RARB: variants seen among roughly 807,000 people sequenced by gnomAD.
RARB encodes retinoic acid receptor beta.
In RARB, 17 loss-of-function variants were observed where a neutral mutation model predicts 51.9. That is an observed-to-expected ratio of 0.33 (90% confidence interval 0.22 to 0.49). RARB has a LOEUF of 0.49. Among genes scored for constraint, RARB ranks in the 20% least tolerant of loss-of-function variants. RARB has a pLI of 0.99. For synonymous variants in RARB, 215 were observed against 195.4 expected, an observed-to-expected ratio of 1.10 and a Z score of -0.84; for missense variants, 369 against 550.8, an observed-to-expected ratio of 0.67 and a Z score of 3.30.
chr3:24,927,858 G>A (rs1695354158), intron 2 of RARB, among the ~76,000 whole-genome samples: 2 of 152,080 alleles, frequency 1.3e-5, no homozygotes, highest in African/African-American at 2.4e-5. Context: ...ACTAATGCCA[G>A]CTTGGCAGAG....
intron 2 of RARB, among the ~76,000 whole-genome samples, chr3:24,917,774 C>T (rs1297424705): frequency 6.6e-6 from 1 of 152,182 alleles, no homozygotes; most frequent in Non-Finnish European, 1.5e-5. Context: ...TGATCTGCCT[C>T]CTTCGGCGTC....
In RARB at chr3:25,561,250, A is replaced by T. The variant is rs544322500; in HGVS notation, c.449-8508A>T. The stretch of plus-strand genomic sequence containing the variant: ...TGGGTGGGATCTTTGAGTGGTAGGA[A>T]TGACCAATTGTTTTCTTTCTTGCCT... On this transcript the variant is annotated intron_variant, in intron 3 of 7. Transcript: ENST00000330688. Among the ~76,000 whole-genome samples, 583 of 152,290 alleles carry T rather than the reference A, an allele frequency of 3.8e-3. 1 individual carries two copies. The highest frequency in any genetic ancestry group is 0.013 in the African/African-American group (550 of 41,564).
chr3:25,018,485 G>A (rs1445621344), intron 2 of RARB, among the ~76,000 whole-genome samples: 1 of 152,102 alleles, frequency 6.6e-6, no homozygotes, highest in Non-Finnish European at 1.5e-5. Flanking sequence ...TTGACAATAG[G>A]CCTCAAAGTC....
At chr3:25,395,418 T>C (rs1349003747) in intron 5 of RARB, among the ~76,000 whole-genome samples, 4 of 152,162 alleles carry the variant, frequency 2.6e-5, no homozygotes, top group Non-Finnish European at 5.9e-5. Flanking sequence ...CAGATGTTCT[T>C]TGAGCTGCTT....
chr3:24,866,255 C>A (rs976245246), intron 2 of RARB, among the ~76,000 whole-genome samples: 1 of 152,088 alleles, frequency 6.6e-6, no homozygotes, highest in Admixed American at 6.6e-5. Context: ...GTCTCATCCC[C>A]CCACGCTTTT....
At chr3:24,968,696 G>A (rs1255250354) in intron 2 of RARB, among the ~76,000 whole-genome samples, 1 of 152,072 alleles carries the variant, frequency 6.6e-6, no homozygotes, top group East Asian at 1.9e-4. Flanking sequence ...GGTTCAAGGG[G>A]TTCTAAAGAC....
chr3:25,288,072 G>T (rs528007693), intron 5 of RARB, among the ~76,000 whole-genome samples: 10 of 152,106 alleles, frequency 6.6e-5, no homozygotes, highest in African/African-American at 2.4e-4. Context: ...ACAATTTAAA[G>T]TATCAAGCTT....
chr3:25,589,704 G>A (rs1701537857), intron 5 of RARB, among the ~76,000 whole-genome samples: 1 of 152,186 alleles, frequency 6.6e-6, no homozygotes, highest in Non-Finnish European at 1.5e-5. Flanking sequence ...CTTTGCTGAT[G>A]GCAAGAAGAG....
At chr3:25,111,583 GTTT>G (rs370598264) in intron 3 of RARB, among the ~76,000 whole-genome samples, 1 of 120,864 alleles carries the variant, frequency 8.3e-6, no homozygotes, top group African/African-American at 3.1e-5. Context: ...TCTAACAGTG[GTTT>G]TTTTTTTTTT....
chr3:25,433,249 A>T (rs1708280155), intron 1 of RARB, among the ~76,000 whole-genome samples: 1 of 152,240 alleles, frequency 6.6e-6, no homozygotes. Context: ...GTTCCCACAT[A>T]AATCATTGAA....
chr3:24,883,160 T>G (rs2125358189), intron 2 of RARB, among the ~76,000 whole-genome samples: 1 of 152,268 alleles, frequency 6.6e-6, no homozygotes, highest in Middle Eastern at 3.4e-3. Context: ...AAAAATCCCC[T>G]TTATTTAAGC....
At chr3:25,254,238 T>C (rs1008053102) in intron 5 of RARB, among the ~76,000 whole-genome samples, 1 of 152,214 alleles carries the variant, frequency 6.6e-6, no homozygotes, top group Non-Finnish European at 1.5e-5. Context: ...AAGAGAGCTG[T>C]GTGTTCCTTA....
chr3:25,530,068 G>T (rs549118327), intron 3 of RARB, among the ~76,000 whole-genome samples: 3 of 152,048 alleles, frequency 2.0e-5, no homozygotes, highest in Non-Finnish European at 4.4e-5. Flanking sequence ...CTGTCTCAGC[G>T]CTGACCTTGC....
At chr3:24,969,566 T>C (rs1696348675) in intron 2 of RARB, among the ~76,000 whole-genome samples, 1 of 152,120 alleles carries the variant, frequency 6.6e-6, no homozygotes, top group Non-Finnish European at 1.5e-5. Flanking sequence ...GTCTCTTTTA[T>C]TTATGTGCCA....
chr3:25,098,867 C>G (rs910296561), intron 3 of RARB, among the ~76,000 whole-genome samples: 1 of 152,108 alleles, frequency 6.6e-6, no homozygotes, highest in Non-Finnish European at 1.5e-5. Context: ...CAACATCAAC[C>G]CCTTACCCCT....
At chr3:24,868,310 C>G (rs1702887901) in intron 2 of RARB, among the ~76,000 whole-genome samples, 1 of 152,108 alleles carries the variant, frequency 6.6e-6, no homozygotes, top group Non-Finnish European at 1.5e-5. Context: ...CAGAAACACA[C>G]TTGTACAAAT....
rs562401762 is a variant in RARB, at chr3:25,597,608, T to G, written c.*992T>G. On this transcript the variant is annotated 3_prime_UTR_variant, in exon 8 of 8. Coordinates refer to ENST00000330688, the MANE Select transcript of RARB (RefSeq NM_000965.5). ...GATATTGGGATTTTTTTTTCCAGCC[T>G]TCTTGATGCCAAGGGGCTAATTAAT... The G allele has an allele frequency of 1.3e-5, 2 of 152,536 alleles. No individual in the cohort carries two copies. The highest frequency in any genetic ancestry group is 4.8e-5 in the African/African-American group (2 of 41,550). 9.4% of individuals were successfully genotyped at this position (152,536 alleles called of 1,614,324 possible).
At chr3:24,955,165 C>T (rs780157788) in intron 2 of RARB, among the ~76,000 whole-genome samples, 6 of 152,080 alleles carry the variant, frequency 3.9e-5, no homozygotes, top group African/African-American at 9.7e-5. Context: ...AGAAGTGGCT[C>T]TCAGCAGAAG....
chr3:25,322,174 G>C (rs1704589211), intron 5 of RARB, among the ~76,000 whole-genome samples: 1 of 117,514 alleles, frequency 8.5e-6, no homozygotes, highest in Non-Finnish European at 1.6e-5. Flanking sequence ...GGTGGGCATT[G>C]AAATGAGTGA....
Sources: gnomAD v4.1 joint callset for allele counts (sites outside exome capture counted in the v4.1 genomes callset) on GRCh38, gnomAD v4.1.1 for gene constraint, MANE v1.5 for transcripts, NCBI Gene and HGNC (gene_info 2026-07-23, HGNC 2026-07-21) for gene names.